ZNF273: variants seen among roughly 807,000 people sequenced by gnomAD.
ZNF273 encodes zinc finger protein 273, also known as zinc finger protein 9.
ZNF273 carries 11 observed loss-of-function variants against 14.9 expected under a neutral mutation model. That is an observed-to-expected ratio of 0.74 (90% CI 0.46 to 1.22). The LOEUF (loss-of-function observed/expected upper bound fraction) is 1.22, where lower values mean the gene tolerates loss of function less well. Among genes scored for constraint, ZNF273 ranks in the 50% most tolerant of loss-of-function variants. The pLI is 0.00. For synonymous variants in ZNF273, 199 were observed against 223.9 expected (o/e 0.89, Z 0.99); for missense variants, 577 against 660.6 (o/e 0.87, Z 1.39).
the ZNF273 span, among the ~76,000 whole-genome samples, chr7:64,936,892 A>G: frequency 6.6e-6 from 1 of 152,354 alleles, no homozygotes; most frequent in African/African-American, 2.4e-5. Flanking sequence ...AATAGAGAAG[A>G]AAGGTGACAG....
In ZNF273 at chr7:64,918,707, G is replaced by T. The variant is rs370993986; in HGVS notation, c.325+415G>T. On this transcript the variant is annotated intron_variant, in intron 3 of 3. Coordinates refer to ENST00000476120, the MANE Select transcript of ZNF273 (RefSeq NM_021148.3). ...AAAAAAATGTGATTTGGGAAGCTGCGTTCAAAAAAAGTAGTTTCTGGAGAG... is the reference window on the plus strand; with the variant it reads ...AAAAAAATGTGATTTGGGAAGCTGCTTTCAAAAAAAGTAGTTTCTGGAGAG... 9.4e-4 allele frequency among the ~76,000 whole-genome samples: 135 copies of T among 143,480 alleles called. 3 individuals carry two copies. In the South Asian group the frequency reaches 0.026, roughly 27 times the overall value. 94.1% of individuals were successfully genotyped at this position (143,480 alleles called of 152,430 possible). A position where few individuals can be genotyped will look rare whatever the true frequency, so the allele number is the denominator to read the frequency against.
At chr7:64,892,941 C>A (rs1792124508), downstream of ZNF273, among the ~76,000 whole-genome samples, 1 of 152,132 alleles carries the variant, frequency 6.6e-6, no homozygotes, top group South Asian at 2.1e-4. Flanking sequence ...TTCCTTTACT[C>A]TACATGTAGT....
intron 1 of ZNF273, among the ~76,000 whole-genome samples, chr7:64,907,333 C>T (rs1793186535): frequency 6.6e-6 from 1 of 152,098 alleles, no homozygotes; most frequent in Non-Finnish European, 1.5e-5. Context: ...AGCTATTTAC[C>T]AGGATTATCT....
chr7:64,925,073 A>G (rs1259886138), intron 3 of ZNF273, among the ~76,000 whole-genome samples: 2 of 152,192 alleles, frequency 1.3e-5, no homozygotes, highest in Non-Finnish European at 2.9e-5. Context: ...AAGTGCTGGG[A>G]TTACAGGCAT....
Position 64,917,598 on chromosome 7 carries a change from G to A in ZNF273, c.120G>A (p.Arg40=). 1 of 1,598,636 alleles carries A rather than the reference G, an allele frequency of 6.3e-7. No homozygotes were observed. Among genetic ancestry groups the A allele is most frequent in the Non-Finnish European group, 8.5e-7 (1 of 1,170,360 alleles). The part of the protein sequence containing the change: ...GSLEMGPLTF[R]DVAIEFSLEE... Reference sequence around the variant, plus strand: ...TTTTTCAGGGACCACTGACATTTAGGGATGTGGCCATAGAATTCTCTCTGG... The same window carrying A: ...TTTTTCAGGGACCACTGACATTTAGAGATGTGGCCATAGAATTCTCTCTGG... Residue 40 remains arginine (R), a synonymous_variant, in exon 2 of 4, where the codon AGG becomes AGA. Coordinates refer to ENST00000476120, the MANE Select transcript of ZNF273 (RefSeq NM_021148.3).
At chr7:64,918,052 A>C (rs1794136666) in intron 2 of ZNF273, 145 bp from the exon 3 acceptor site, 1 of 704,514 alleles carries the variant, frequency 1.4e-6, no homozygotes, top group Non-Finnish European at 2.0e-6. Flanking sequence ...ATATTTTTTA[A>C]ATATTTAGAA....
intron 3 of ZNF273, 24 bp from the exon 4 acceptor site, chr7:64,927,630 A>G: frequency 6.5e-7 from 1 of 1,532,298 alleles, no homozygotes; most frequent in Non-Finnish European, 8.7e-7. Flanking sequence ...TAAGTGGGGT[A>G]ATTGTTACTT....
upstream of ZNF273, among the ~76,000 whole-genome samples, chr7:64,902,059 A>T (rs181762968): frequency 6.7e-6 from 1 of 148,554 alleles, no homozygotes; most frequent in Admixed American, 6.7e-5. Context: ...TACATATTTT[A>T]TATTATTATA....
chr7:64,916,370 T>TAAA (rs71061327), intron 1 of ZNF273, among the ~76,000 whole-genome samples: 1 of 122,900 alleles, frequency 8.1e-6, no homozygotes, highest in Admixed American at 8.0e-5. Flanking sequence ...ACTAAAAATG[T>TAAA]AAAAAAAAAA....
At position 64,912,826 on chromosome 7, in the gene ZNF273, G is replaced by GTTTTTTGTTGTTGTTGTTTTTTTTT; in HGVS notation, c.103-4749_103-4748insGTTGTTGTTGTTTTTTTTTTTTTTT. 5.7e-4 allele frequency among the ~76,000 whole-genome samples: 21 copies of GTTTTTTGTTGTTGTTGTTTTTTTTT among 36,574 alleles called. 2 individuals carry two copies. The highest frequency in any genetic ancestry group is 1.6e-3 in the Admixed American group (4 of 2,506). 24.0% of individuals were successfully genotyped at this position (36,574 alleles called of 152,430 possible). A position where few individuals can be genotyped will look rare whatever the true frequency, so the allele number is the denominator to read the frequency against. On this transcript the variant is annotated intron_variant, in intron 1 of 3. Transcript: ENST00000476120. ...TCTTTTTGACTCAGGATTCATTTTA[G>GTTTTTTGTTGTTGTTGTTTTTTTTT]TTTTTTTTTTTTTTTTTTTTGAGAT...
At chr7:64,926,707 A>G (rs1384036126) in intron 3 of ZNF273, among the ~76,000 whole-genome samples, 1 of 152,200 alleles carries the variant, frequency 6.6e-6, no homozygotes, top group African/African-American at 2.4e-5. Flanking sequence ...CACAATCTTT[A>G]TAACGTATCT....
downstream of ZNF273, among the ~76,000 whole-genome samples, chr7:64,880,825 C>T (rs1256476253): frequency 6.6e-6 from 1 of 152,140 alleles, no homozygotes; most frequent in Non-Finnish European, 1.5e-5. Context: ...AACCCAGGGC[C>T]AGACCCCAGC....
chr7:64,926,740 C>T (rs1794783705), intron 3 of ZNF273, among the ~76,000 whole-genome samples: 1 of 152,094 alleles, frequency 6.6e-6, no homozygotes, highest in South Asian at 2.1e-4. Context: ...AGTCTGAAAC[C>T]AACTGTCTTG....
downstream of ZNF273, among the ~76,000 whole-genome samples, chr7:64,934,754 G>A (rs1017184696): frequency 3.3e-5 from 5 of 150,108 alleles, no homozygotes; most frequent in East Asian, 1.9e-4. Flanking sequence ...TAACTTTAGT[G>A]TTTTTTTTTC....
chr7:64,894,531 A>ATTGGCTTT (rs1792245585), downstream of ZNF273, among the ~76,000 whole-genome samples: 2 of 152,186 alleles, frequency 1.3e-5, no homozygotes, highest in Admixed American at 6.5e-5. Flanking sequence ...TTTAGAAAAG[A>ATTGGCTTT]TTGGCTTTTT....
At chr7:64,897,053 C>T (rs909485282) in intron 3 of ZNF273, among the ~76,000 whole-genome samples, 2 of 152,144 alleles carry the variant, frequency 1.3e-5, no homozygotes, top group African/African-American at 4.8e-5. Context: ...AGCACAAAAA[C>T]TATAGAAGCA....
the ZNF273 span, among the ~76,000 whole-genome samples, chr7:64,936,016 A>G: frequency 6.6e-6 from 1 of 152,216 alleles, no homozygotes; most frequent in African/African-American, 2.4e-5. Context: ...GATATTTTGA[A>G]ATCTAAAATC....
intron 1 of ZNF273, among the ~76,000 whole-genome samples, chr7:64,907,944 C>CTAGA (rs1309408772): frequency 1.3e-5 from 2 of 152,230 alleles, no homozygotes; most frequent in Non-Finnish European, 2.9e-5. Context: ...AACATACGCA[C>CTAGA]TAGACATTGA....
chr7:64,914,808 A>G (rs917902670), intron 1 of ZNF273, among the ~76,000 whole-genome samples: 16 of 151,614 alleles, frequency 1.1e-4, no homozygotes, highest in African/African-American at 3.9e-4. Flanking sequence ...CTAGCAGATA[A>G]GCAGGCGGTG....
Sources: gnomAD v4.1 joint callset for allele counts (sites outside exome capture counted in the v4.1 genomes callset) on GRCh38, gnomAD v4.1.1 for gene constraint, MANE v1.5 for transcripts, NCBI Gene and HGNC (gene_info 2026-07-23, HGNC 2026-07-21) for gene names.